CSNK1G1: variants seen among roughly 807,000 people sequenced by gnomAD.
The protein encoded by CSNK1G1 is casein kinase 1 gamma 1.
Under a neutral mutation model 59.6 loss-of-function variants are expected in CSNK1G1, and 22 were observed. The ratio of observed to expected loss-of-function variants is 0.37; its 90% confidence interval spans 0.26 to 0.53. The LOEUF (loss-of-function observed/expected upper bound fraction) is 0.53, where lower values mean the gene tolerates loss of function less well. CSNK1G1 is among the 20% of genes least tolerant of loss of function. The pLI, the probability that CSNK1G1 is intolerant of heterozygous loss-of-function variation, is 0.89. For missense variants in CSNK1G1, 384 were observed against 519.5 expected, an observed-to-expected ratio of 0.74 and a Z score of 2.54; for synonymous variants, 179 against 177.1, an observed-to-expected ratio of 1.01 and a Z score of -0.08.
chr15:64,213,527 C>G (rs1360735316), intron 6 of CSNK1G1, among the ~76,000 whole-genome samples: 2 of 152,156 alleles, frequency 1.3e-5, no homozygotes, highest in Non-Finnish European at 2.9e-5. Flanking sequence ...CACTCTTCCC[C>G]ACCGCTGACC....
intron 10 of CSNK1G1, among the ~76,000 whole-genome samples, chr15:64,183,599 T>C (rs62024257): frequency 0.034 from 5,154 of 152,232 alleles, 255 homozygotes; most frequent in African/African-American, 0.11. Context: ...ACAAGGCAAA[T>C]GACCATGATC....
chr15:64,271,256 G>A (rs1214882475), intron 2 of CSNK1G1, among the ~76,000 whole-genome samples: 1 of 151,896 alleles, frequency 6.6e-6, no homozygotes, highest in Non-Finnish European at 1.5e-5. Flanking sequence ...CCAAAGTGCT[G>A]GGATTACAGG....
chr15:64,183,680 A>G (rs2081850328), intron 10 of CSNK1G1, among the ~76,000 whole-genome samples: 2 of 152,236 alleles, frequency 1.3e-5, no homozygotes, highest in African/African-American at 4.8e-5. Flanking sequence ...AAGAATTAAA[A>G]AGAATCTTAT....
intron 2 of CSNK1G1, among the ~76,000 whole-genome samples, chr15:64,296,933 G>A (rs999119228): frequency 2.4e-5 from 3 of 126,082 alleles, no homozygotes; most frequent in Non-Finnish European, 3.3e-5. Context: ...ATGCACTATC[G>A]TTACTTTTTT....
chr15:64,299,390 C>T (rs1746281955), intron 2 of CSNK1G1, among the ~76,000 whole-genome samples: 1 of 152,100 alleles, frequency 6.6e-6, no homozygotes, highest in Non-Finnish European at 1.5e-5. Context: ...GGATCAAGAC[C>T]ATCCTGGCTA....
chr15:64,259,288 GA>G, intron 2 of CSNK1G1, 47 bp from the exon 3 acceptor site: 1 of 1,388,634 alleles, frequency 7.2e-7, no homozygotes, highest in Non-Finnish European at 1.0e-6. Context: ...TTTATTCTGG[GA>G]AAAGCAAAGC....
intron 2 of CSNK1G1, among the ~76,000 whole-genome samples, chr15:64,283,856 T>G (rs911151520): frequency 6.6e-6 from 1 of 152,186 alleles, no homozygotes; most frequent in African/African-American, 2.4e-5. Flanking sequence ...ATTTATCTGT[T>G]TTTTTCTTCT....
intron 4 of CSNK1G1, among the ~76,000 whole-genome samples, chr15:64,239,671 T>C (rs568405980): frequency 2.6e-5 from 4 of 152,166 alleles, no homozygotes; most frequent in African/African-American, 9.7e-5. Context: ...AAGTCACCCA[T>C]GCCTGACCTA....
intron 1 of CSNK1G1, among the ~76,000 whole-genome samples, chr15:64,351,308 T>C (rs1398514503): frequency 6.6e-6 from 1 of 152,250 alleles, no homozygotes; most frequent in Non-Finnish European, 1.5e-5. Flanking sequence ...TTGTTCATTA[T>C]CTAATTCTAG....
At chr15:64,316,202 A>AAAACAAAC (rs60125774) in intron 1 of CSNK1G1, among the ~76,000 whole-genome samples, 4 of 149,658 alleles carry the variant, frequency 2.7e-5, no homozygotes, top group East Asian at 3.9e-4. Context: ...TTTGCTTTTT[A>AAAACAAAC]AAACAAACAA....
intron 11 of CSNK1G1, among the ~76,000 whole-genome samples, chr15:64,178,482 C>CTTTTT (rs1175775132): frequency 7.3e-5 from 9 of 123,764 alleles, no homozygotes; most frequent in Non-Finnish European, 1.0e-4. Flanking sequence ...CAAAAATTTT[C>CTTTTT]TTTTTTTTTT....
At chr15:64,180,562 T>C in intron 10 of CSNK1G1, 108 bp from the exon 11 acceptor site, 1 of 838,878 alleles carries the variant, frequency 1.2e-6, no homozygotes, top group South Asian at 1.4e-5. Flanking sequence ...TTTGTTTTCC[T>C]GGGTTAAGGG....
At chr15:64,180,292 G>A (rs746108880) in intron 11 of CSNK1G1, 56 bp downstream of exon 11, 22 of 1,262,818 alleles carry the variant, frequency 1.7e-5, no homozygotes, top group Non-Finnish European at 2.4e-5. Context: ...GAGAGGAAGA[G>A]ACAGAAAAGA....
intron 1 of CSNK1G1, among the ~76,000 whole-genome samples, chr15:64,343,208 AACACAC>A (rs3057760): frequency 4.5e-5 from 5 of 109,954 alleles, no homozygotes; most frequent in Non-Finnish European, 7.5e-5. Flanking sequence ...GCAAAACTCC[AACACAC>A]ACACACACAC....
intron 2 of CSNK1G1, among the ~76,000 whole-genome samples, chr15:64,286,049 T>C (rs1019730396): frequency 1.3e-5 from 2 of 152,218 alleles, no homozygotes; most frequent in Non-Finnish European, 2.9e-5. Flanking sequence ...TGAGGTTCTT[T>C]ACATTTTCTT....
At chr15:64,321,393 C>T (rs1259153112) in intron 1 of CSNK1G1, among the ~76,000 whole-genome samples, 2 of 151,610 alleles carry the variant, frequency 1.3e-5, no homozygotes, top group Non-Finnish European at 1.5e-5. Context: ...GCAGATGGGA[C>T]CACAGACACA....
intron 1 of CSNK1G1, among the ~76,000 whole-genome samples, chr15:64,347,604 G>T (rs1362576709): frequency 3.6e-5 from 5 of 137,742 alleles, no homozygotes; most frequent in African/African-American, 1.3e-4. Context: ...AAAAAAGAAA[G>T]AAACAAGGAA....
intron 2 of CSNK1G1, among the ~76,000 whole-genome samples, chr15:64,294,465 T>C (rs1894906014): frequency 6.6e-6 from 1 of 152,210 alleles, no homozygotes; most frequent in South Asian, 2.1e-4. Context: ...CCATCATTAC[T>C]GGTTATCTCC....
chr15:64,346,844 A>G (rs1018656377), intron 1 of CSNK1G1, among the ~76,000 whole-genome samples: 19 of 152,300 alleles, frequency 1.2e-4, no homozygotes, highest in African/African-American at 4.6e-4. Context: ...CTTCTGCACT[A>G]TGAAAGGCAC....
Sources: allele counts gnomAD v4.1 joint callset (sites outside exome capture counted in the v4.1 genomes callset), GRCh38; gene constraint gnomAD v4.1.1; transcripts MANE v1.5; gene names NCBI Gene and HGNC (gene_info 2026-07-23, HGNC 2026-07-21).